The following KIF6 variants were observed in gnomAD, a reference collection of about 807,000 sequenced individuals.
KIF6 encodes the protein kinesin family member 6, also known as kinesin-like protein KIF6.
KIF6 carries 106 observed loss-of-function variants against 112.7 expected under a neutral mutation model. That is an observed-to-expected ratio of 0.94 (90% confidence interval 0.80 to 1.11). The LOEUF is 1.11. Ranked by LOEUF, KIF6 falls within the 50% of genes least tolerant of loss-of-function variation. The pLI is 0.00. For missense variants in KIF6, 929 were observed against 964.0 expected (o/e 0.96, Z 0.48); for synonymous variants, 339 against 339.9 (o/e 1.00, Z 0.03).
intron 13 of KIF6, among the ~76,000 whole-genome samples, chr6:39,502,185 A>G (rs112873628): frequency 0.026 from 4,000 of 152,320 alleles, 91 homozygotes; most frequent in Non-Finnish European, 0.037. Context: ...GCCAATACTC[A>G]ACATTCTTAG....
At chr6:39,517,982 C>T (rs1053064783) in intron 13 of KIF6, among the ~76,000 whole-genome samples, 1 of 152,146 alleles carries the variant, frequency 6.6e-6, no homozygotes, top group South Asian at 2.1e-4. Flanking sequence ...CTTATGTTTA[C>T]AGAACAAAGT....
intron 13 of KIF6, among the ~76,000 whole-genome samples, chr6:39,446,678 C>T (rs976891910): frequency 2.0e-5 from 3 of 151,952 alleles, no homozygotes; most frequent in Non-Finnish European, 4.4e-5. Context: ...TTAGTAGAGA[C>T]GGGGTTTCAC....
chr6:39,598,164 G>A (rs915898836), intron 6 of KIF6, among the ~76,000 whole-genome samples: 6 of 152,124 alleles, frequency 3.9e-5, no homozygotes, highest in Admixed American at 3.3e-4. Context: ...TCCAGCGTGG[G>A]TGGCAGAGTG....
chr6:39,612,388 C>G (rs1783263991), intron 6 of KIF6, among the ~76,000 whole-genome samples: 1 of 152,082 alleles, frequency 6.6e-6, no homozygotes, highest in African/African-American at 2.4e-5. Context: ...ACACCACCAC[C>G]ACCACCACCA....
At chr6:39,538,713 T>C (rs1194614992) in intron 13 of KIF6, among the ~76,000 whole-genome samples, 7 of 150,284 alleles carry the variant, frequency 4.7e-5, no homozygotes, top group Non-Finnish European at 5.9e-5. Context: ...CATCCCATTA[T>C]TGGGTATATA....
intron 15 of KIF6, among the ~76,000 whole-genome samples, chr6:39,395,804 C>T (rs571473888): frequency 8.5e-5 from 13 of 152,176 alleles, no homozygotes; most frequent in African/African-American, 3.1e-4. Context: ...TAGGACCCCT[C>T]ACTAACTGGG....
At chr6:39,686,882 C>T (rs1347116717) in intron 3 of KIF6, among the ~76,000 whole-genome samples, 1 of 152,174 alleles carries the variant, frequency 6.6e-6, no homozygotes, top group Non-Finnish European at 1.5e-5. Context: ...AGTATAATTA[C>T]AGGCTACCAT....
intron 7 of KIF6, among the ~76,000 whole-genome samples, chr6:39,593,415 G>T (rs1486656092): frequency 6.6e-6 from 1 of 151,702 alleles, no homozygotes; most frequent in African/African-American, 2.4e-5. Context: ...CTCTTCTACC[G>T]ACCTACTTGC....
At chr6:39,603,056 T>C (rs982205169) in intron 6 of KIF6, among the ~76,000 whole-genome samples, 1 of 152,152 alleles carries the variant, frequency 6.6e-6, no homozygotes, top group Non-Finnish European at 1.5e-5. Context: ...TTTGGAACAT[T>C]GTTTAAATAG....
intron 13 of KIF6, among the ~76,000 whole-genome samples, chr6:39,468,792 G>A (rs753572547): frequency 1.9e-4 from 29 of 151,124 alleles, no homozygotes; most frequent in Admixed American, 1.5e-3. Flanking sequence ...ACCAGTAAAA[G>A]TAATTATATA....
At chr6:39,510,249 C>T (rs900895992) in intron 13 of KIF6, among the ~76,000 whole-genome samples, 5 of 152,052 alleles carry the variant, frequency 3.3e-5, no homozygotes, top group Middle Eastern at 3.4e-3. Context: ...CCTGCCACCA[C>T]GCCTGGCTCA....
chr6:39,336,610 A>T, intron 22 of KIF6, 62 bp from the exon 23 acceptor site: 1 of 1,543,108 alleles, frequency 6.5e-7, no homozygotes. Flanking sequence ...TTTTCCCAGG[A>T]TTGAATCGGG....
At chr6:39,490,089 T>C (rs1027031683) in intron 13 of KIF6, among the ~76,000 whole-genome samples, 1 of 152,196 alleles carries the variant, frequency 6.6e-6, no homozygotes, top group Admixed American at 6.5e-5. Flanking sequence ...AAAATGATTG[T>C]TAGGCCATCA....
rs988407163 is a variant in KIF6, at chr6:39,343,570, T to C, written c.2428+139A>G. 3.2e-6 allele frequency: 4 copies of C among 1,237,540 alleles called. No homozygotes were observed. Among genetic ancestry groups the C allele is most frequent in the Non-Finnish European group, 4.5e-6 (4 of 894,712 alleles). 76.7% of individuals were successfully genotyped at this position (1,237,540 alleles called of 1,614,324 possible). ...GAGAAGGAATCAGAGGCTGGGCACA[T>C]GTGACTGACAGGCAGGCCAGTCCTG... On this transcript the variant is annotated intron_variant, in intron 22 of 22. Transcript: ENST00000287152. This position sits in a 1 kb window ranked among gnomAD's most constrained non-coding sequence, Gnocchi z 4.1.
chr6:39,564,656 T>A (rs1199089186), intron 10 of KIF6, among the ~76,000 whole-genome samples: 1 of 152,192 alleles, frequency 6.6e-6, no homozygotes, highest in East Asian at 1.9e-4. Context: ...GGGGATAGTT[T>A]CATGAGGTAT....
chr6:39,624,379 C>T (rs953834376), intron 5 of KIF6, among the ~76,000 whole-genome samples: 2 of 152,080 alleles, frequency 1.3e-5, no homozygotes, highest in Non-Finnish European at 2.9e-5. Flanking sequence ...ATCAGTTGAG[C>T]TATAATAGAC....
intron 13 of KIF6, among the ~76,000 whole-genome samples, chr6:39,525,471 T>A: frequency 6.6e-6 from 1 of 152,200 alleles, no homozygotes; most frequent in Non-Finnish European, 1.5e-5. Context: ...TAGAGCCTTT[T>A]AGGCTGGGTG....
rs146845510 is a variant in KIF6, at chr6:39,518,849, T to C, written c.1645+21154A>G. ...TGCTTAACTTCTAGAGAAATAAAAT[T>C]TCTAAAAAGAGATCTGTAAACACAT... On this transcript the variant is annotated intron_variant, in intron 13 of 22. Transcript: ENST00000287152. 7.6e-3 allele frequency among the ~76,000 whole-genome samples: 1,150 copies of C among 152,222 alleles called. 13 individuals are homozygous for C. The highest frequency in any genetic ancestry group is 0.02 in the Middle Eastern group (6 of 294).
intron 6 of KIF6, among the ~76,000 whole-genome samples, chr6:39,597,061 G>T (rs1782315383): frequency 6.6e-6 from 1 of 152,084 alleles, no homozygotes; most frequent in Admixed American, 6.5e-5. Flanking sequence ...AGGACAAAGA[G>T]AACTGGAGTA....
Sources: allele counts gnomAD v4.1 joint callset (sites outside exome capture counted in the v4.1 genomes callset), GRCh38; gene constraint gnomAD v4.1.1; non-coding constraint Gnocchi (gnomAD v3.1); transcripts MANE v1.5; gene names NCBI Gene and HGNC (gene_info 2026-07-23, HGNC 2026-07-21).